The following ERCC2 variants were observed in gnomAD, a reference collection of about 807,000 sequenced individuals.
ERCC2 encodes the protein ERCC excision repair 2, TFIIH core complex helicase subunit.
In ERCC2, 90 loss-of-function variants were observed where a neutral mutation model predicts 99.4. That is an observed-to-expected ratio of 0.91 (90% CI 0.76 to 1.08). ERCC2 has a LOEUF of 1.08. Ranked by LOEUF, ERCC2 falls within the 50% of genes least tolerant of loss-of-function variation. The pLI, the probability that ERCC2 is intolerant of heterozygous loss-of-function variation, is 0.00. For missense variants in ERCC2, 993 were observed against 1,038.1 expected, an observed-to-expected ratio of 0.96 and a Z score of 0.60; for synonymous variants, 497 against 432.4, an observed-to-expected ratio of 1.15 and a Z score of -1.85.
chr19:45,353,436 C>T (rs1971898060), intron 17 of ERCC2, 102 bp from the exon 18 acceptor site: 1 of 777,622 alleles, frequency 1.3e-6, no homozygotes, highest in South Asian at 1.5e-5. Context: ...CTCTGGGCCT[C>T]AGCTGGCTCA....
At position 45,370,148 on chromosome 19, in the gene ERCC2, G is replaced by C; in HGVS notation, c.90C>G (p.Arg30=). ...GGCCACCCACCTTGGCGTCCAGCGT[G>C]CGTTTGAGCTCCCGCATGTAGGAGA... is the stretch of plus-strand genomic sequence containing the variant. ...EQFSYMRELK[R]TLDAKGHGVL... is the part of the protein sequence containing the mutation. Residue 30 remains arginine, a synonymous_variant, in exon 2 of 23, where the codon CGC becomes CGG. Coordinates refer to ENST00000391945, the MANE Select transcript of ERCC2 (RefSeq NM_000400.4). 6.2e-7 allele frequency: 1 copy of C among 1,613,250 alleles called. No homozygotes were observed. The highest frequency in any genetic ancestry group is 8.5e-7 in the Non-Finnish European group (1 of 1,179,368).
intron 15 of ERCC2, 22 bp from the exon 16 acceptor site, chr19:45,355,750 G>A (rs201858234): frequency 1.2e-5 from 20 of 1,610,808 alleles, no homozygotes; most frequent in African/African-American, 2.7e-5. Flanking sequence ...CAGAGGTCAC[G>A]ATAAGCGAGG....
At chr19:45,353,687 G>A (rs1005887651) in intron 17 of ERCC2, among the ~76,000 whole-genome samples, 1 of 152,172 alleles carries the variant, frequency 6.6e-6, no homozygotes, top group Non-Finnish European at 1.5e-5. Context: ...AGACAGTGTG[G>A]AGCCAATGCA....
In ERCC2 at chr19:45,365,172, G is replaced by T. The variant is rs766691491; in HGVS notation, c.361-14C>A. On this transcript the variant is annotated splice_polypyrimidine_tract_variant and intron_variant, in intron 5 of 22. Transcript: ENST00000391945. ...CAGGGGTGTCACCTGGGGGTGTGGG[G>T]CATCTTAGCACCCAGACAGGGTGGA... The T allele has an allele frequency of 6.2e-7, 1 of 1,600,840 alleles. No individual in the cohort carries two copies. The highest frequency in any genetic ancestry group is 1.7e-5 in the Admixed American group (1 of 59,996).
At chr19:45,366,407 G>T (rs1237586583) in intron 5 of ERCC2, among the ~76,000 whole-genome samples, 1 of 152,142 alleles carries the variant, frequency 6.6e-6, no homozygotes, top group African/African-American at 2.4e-5. Context: ...CTCCCAAAGT[G>T]CTGGGATTAT....
chr19:45,364,268 C>T lies in ERCC2; in HGVS notation c.782G>A (p.Gly261Asp), dbSNP rs1972340877. 1 of 1,613,816 alleles carries T rather than the reference C, an allele frequency of 6.2e-7. No homozygotes were observed. The highest frequency in any genetic ancestry group is 1.3e-5 in the African/African-American group (1 of 74,912). The change falls in exon 9 of 23, where the codon GGC becomes GAC. Residue 261 changes from glycine to aspartate, a missense_variant. Gly to Asp is a moderately conservative substitution (Grantham distance 94). This residue lies in a region of ERCC2 where 909 missense variants were observed against 930.8 expected (regional missense o/e 0.98). Coordinates refer to ENST00000391945, the MANE Select transcript of ERCC2 (RefSeq NM_000400.4). Reference protein sequence around the residue: ...LTRRTLDRCQGNLETLQKTVL... With the variant: ...LTRRTLDRCQDNLETLQKTVL... ...CGTCTTCTGCAGGGTCTCCAGGTTG[C>T]CCTGGCACCGGTCAAGGGTCCGGCG... is the stretch of plus-strand genomic sequence containing the variant.
intron 11 of ERCC2, 35 bp downstream of exon 11, chr19:45,363,708 C>T (rs1437742901): frequency 3.3e-6 from 5 of 1,520,038 alleles, no homozygotes; most frequent in South Asian, 1.2e-5. Context: ...CGGGACCTGC[C>T]GGGCCCCCAC....
rs534559459 is a variant in ERCC2, at chr19:45,351,413, C to G, written c.*216G>C. ...TTGGGAACAGTGCAGGAGGGATGGG[C>G]TGGTGGGGTGAGAGGGGGTCTATCA... On this transcript the variant is annotated 3_prime_UTR_variant, in exon 23 of 23. Coordinates refer to ENST00000391945, the MANE Select transcript of ERCC2 (RefSeq NM_000400.4). The G allele has an allele frequency of 3.1e-6, 5 of 1,597,522 alleles. No homozygotes were observed. Among genetic ancestry groups the G allele is most frequent in the Non-Finnish European group, 4.3e-6 (5 of 1,175,236 alleles).
At chr19:45,367,156 G>C (rs1568544486) in intron 5 of ERCC2, among the ~76,000 whole-genome samples, 1 of 152,108 alleles carries the variant, frequency 6.6e-6, no homozygotes, top group Admixed American at 6.6e-5. Context: ...AACCAACATG[G>C]TGAAACACCG....
At position 45,351,261 on chromosome 19, in the gene ERCC2, A is replaced by G. The variant is rs542619155; in HGVS notation, c.*368T>C. Reference sequence around the variant, plus strand: ...AACACTTGCCCCTCACCTCCCCTCCAACCATCCCCTGTGCCTGTCTCCAGT... The same window carrying G: ...AACACTTGCCCCTCACCTCCCCTCCGACCATCCCCTGTGCCTGTCTCCAGT... On this transcript the variant is annotated 3_prime_UTR_variant, in exon 23 of 23. Transcript: ENST00000391945. The G allele has an allele frequency of 2.8e-5, 45 of 1,609,318 alleles. No individual in the cohort carries two copies. In the East Asian group the frequency reaches 1.0e-3, roughly 36 times the overall value.
At chr19:45,367,081 G>A (rs1049266970) in intron 5 of ERCC2, among the ~76,000 whole-genome samples, 1 of 152,082 alleles carries the variant, frequency 6.6e-6, no homozygotes, top group East Asian at 1.9e-4. Context: ...GCTCATGCCT[G>A]TAATCCCAGC....
At chr19:45,354,613 TCTC>T in intron 17 of ERCC2, 114 bp downstream of exon 17, 2 of 1,374,286 alleles carry the variant, frequency 1.5e-6, no homozygotes, top group Non-Finnish European at 2.0e-6. Context: ...CTGCACACAC[TCTC>T]CTGTCACACA....
chr19:45,355,594 T>G, intron 16 of ERCC2, 71 bp downstream of exon 16: 4 of 1,319,452 alleles, frequency 3.0e-6, no homozygotes, highest in Non-Finnish European at 4.4e-6. Context: ...TACAGCAGCA[T>G]GACTCAGCCC....
chr19:45,360,980 A>G (rs1264843758), intron 12 of ERCC2, among the ~76,000 whole-genome samples: 2 of 152,030 alleles, frequency 1.3e-5, no homozygotes, highest in Admixed American at 1.3e-4. Context: ...AAAATACAAA[A>G]ATTAGCTGGG....
In ERCC2 at chr19:45,350,359, CAG is replaced by C; in HGVS notation, c.*1268_*1269del. On this transcript the variant is annotated 3_prime_UTR_variant, in exon 23 of 23. Transcript: ENST00000391945. Reference sequence around the variant, plus strand: ...TCCGCAGGCCTCAGCCTACCTGAAACAGAACAAGTATCAACAAGCGGAAGAGC... The same window carrying C: ...TCCGCAGGCCTCAGCCTACCTGAAACAACAAGTATCAACAAGCGGAAGAGC... 1 of 1,613,444 alleles carries C rather than the reference CAG, an allele frequency of 6.2e-7. No individual in the cohort carries two copies. The highest frequency in any genetic ancestry group is 8.5e-7 in the Non-Finnish European group (1 of 1,179,894).
chr19:45,366,888 A>G (rs1372559264), intron 5 of ERCC2, among the ~76,000 whole-genome samples: 1 of 152,056 alleles, frequency 6.6e-6, no homozygotes, highest in African/African-American at 2.4e-5. Flanking sequence ...ACAAAAAACT[A>G]GCAGGGCGTG....
intron 2 of ERCC2, 32 bp downstream of exon 2, chr19:45,370,101 G>A: frequency 2.5e-6 from 4 of 1,608,542 alleles, no homozygotes; most frequent in Non-Finnish European, 3.4e-6. Flanking sequence ...CCCACCGGTC[G>A]AGTGGGCGGG....
intron 11 of ERCC2, among the ~76,000 whole-genome samples, chr19:45,362,821 G>C (rs1972271486): frequency 6.6e-6 from 1 of 152,218 alleles, no homozygotes; most frequent in Non-Finnish European, 1.5e-5. Flanking sequence ...GGCAGCCAGG[G>C]CCTTTGGAGC....
intron 5 of ERCC2, 91 bp downstream of exon 5, chr19:45,368,539 A>T: frequency 2.4e-6 from 2 of 847,592 alleles, no homozygotes; most frequent in Non-Finnish European, 4.0e-6. Flanking sequence ...CCTTTGCAAG[A>T]GATATGGCCT....
Sources: gnomAD v4.1 joint callset for allele counts (sites outside exome capture counted in the v4.1 genomes callset) on GRCh38, gnomAD v4.1.1 for gene constraint, gnomAD v4.1.1 regional missense constraint, MANE v1.5 for transcripts, NCBI Gene and HGNC (gene_info 2026-07-23, HGNC 2026-07-21) for gene names.